DSCAM: variants seen among roughly 807,000 people sequenced by gnomAD.
DSCAM encodes cell adhesion molecule DSCAM.
A neutral mutation model predicts 217.7 loss-of-function variants in DSCAM; 47 were observed. That is an observed-to-expected ratio of 0.22 (90% CI 0.17 to 0.28). The LOEUF (loss-of-function observed/expected upper bound fraction) is 0.28. Among genes scored for constraint, DSCAM ranks in the 10% least tolerant of loss-of-function variants. The pLI, the probability that DSCAM is intolerant of heterozygous loss-of-function variation, is 1.00. For missense variants in DSCAM, 2,080 were observed against 2,618.3 expected (o/e 0.79, Z 4.49); for synonymous variants, 1,056 against 1,015.3 (o/e 1.04, Z -0.76).
At chr21:40,475,851 A>G (rs539803144) in intron 3 of DSCAM, among the ~76,000 whole-genome samples, 1 of 151,450 alleles carries the variant, frequency 6.6e-6, no homozygotes, top group Non-Finnish European at 1.5e-5. Flanking sequence ...ATTAATAAAT[A>G]AAATTTAAAA....
intron 20 of DSCAM, among the ~76,000 whole-genome samples, chr21:40,102,755 TC>T (rs2089769370): frequency 1.3e-5 from 2 of 152,226 alleles, no homozygotes; most frequent in East Asian, 3.8e-4. Context: ...TCCGAACCCC[TC>T]ACATTACTTA....
chr21:40,313,797 A>G lies in DSCAM; in HGVS notation c.1784-1438T>C, dbSNP rs59840041. ...TACATTCTTGGAAAGAAAAAGGTTT[A>G]TTTGTATGCAGGGGCTTGGAAATGA... On this transcript the variant is annotated intron_variant, in intron 8 of 32. Coordinates refer to ENST00000400454, the MANE Select transcript of DSCAM (RefSeq NM_001389.5). Among the ~76,000 whole-genome samples, 293 of 152,276 alleles carry G rather than the reference A, an allele frequency of 1.9e-3. 2 individuals are homozygous for G. The highest frequency in any genetic ancestry group is 6.6e-3 in the African/African-American group (273 of 41,572).
intron 3 of DSCAM, among the ~76,000 whole-genome samples, chr21:40,395,544 G>C (rs2075171017): frequency 6.6e-6 from 1 of 151,932 alleles, no homozygotes; most frequent in African/African-American, 2.4e-5. Flanking sequence ...TTTGGGTGTA[G>C]ATTCCATAGT....
chr21:40,820,720 A>C (rs552505053), intron 1 of DSCAM, among the ~76,000 whole-genome samples: 1 of 152,174 alleles, frequency 6.6e-6, no homozygotes, highest in African/African-American at 2.4e-5. Flanking sequence ...CAAAGAAAAA[A>C]ACAAAAAATC....
At chr21:40,146,741 C>G (rs1419870286) in intron 16 of DSCAM, among the ~76,000 whole-genome samples, 1 of 152,164 alleles carries the variant, frequency 6.6e-6, no homozygotes, top group African/African-American at 2.4e-5. Context: ...GAGTTAGACC[C>G]TGGTGGAAGA....
intron 20 of DSCAM, among the ~76,000 whole-genome samples, chr21:40,095,461 T>C (rs916855475): frequency 2.0e-5 from 3 of 152,134 alleles, no homozygotes; most frequent in Non-Finnish European, 4.4e-5. Flanking sequence ...AACCACACAT[T>C]TGTGATTCTC....
chr21:40,475,174 G>C (rs938328872), intron 3 of DSCAM, among the ~76,000 whole-genome samples: 1 of 152,212 alleles, frequency 6.6e-6, no homozygotes, highest in African/African-American at 2.4e-5. Context: ...TGATTGTGAA[G>C]GTGCATTAGC....
intron 5 of DSCAM, among the ~76,000 whole-genome samples, chr21:40,348,291 A>G (rs2074585536): frequency 1.3e-5 from 2 of 150,170 alleles, no homozygotes; most frequent in South Asian, 2.1e-4. Flanking sequence ...CATACCCCAG[A>G]GAGTTCCTAT....
chr21:40,130,559 G>A (rs1568956643), intron 19 of DSCAM, among the ~76,000 whole-genome samples: 2 of 152,084 alleles, frequency 1.3e-5, no homozygotes. Flanking sequence ...TTACGGATGA[G>A]AGATGATATC....
intron 3 of DSCAM, among the ~76,000 whole-genome samples, chr21:40,624,775 TC>T (rs2089577124): frequency 7.1e-6 from 1 of 141,388 alleles, no homozygotes; most frequent in South Asian, 2.3e-4. Context: ...CAAAAGCACA[TC>T]CACACAAACA....
At chr21:40,807,873 G>T (rs1378121516) in intron 1 of DSCAM, among the ~76,000 whole-genome samples, 1 of 152,136 alleles carries the variant, frequency 6.6e-6, no homozygotes, top group Non-Finnish European at 1.5e-5. Flanking sequence ...CTATTGTGAG[G>T]TATATTATAG....
In DSCAM at chr21:40,795,214, A is replaced by G. The variant is rs2091681359; in HGVS notation, c.43+51405T>C. On this transcript the variant is annotated intron_variant, in intron 1 of 32. Transcript: ENST00000400454. ...GCCTGGACTGATAATCTTCAGAGCT[A>G]TGCAGCCACTGGATATTTTCCTCTC... 1.3e-5 allele frequency among the ~76,000 whole-genome samples: 2 copies of G among 152,214 alleles called. 1 individual carries two copies. Among genetic ancestry groups the G allele is most frequent in the Non-Finnish European group, 2.9e-5 (2 of 68,040 alleles).
At chr21:40,298,078 CT>C (rs994453921) in intron 9 of DSCAM, among the ~76,000 whole-genome samples, 1 of 140,206 alleles carries the variant, frequency 7.1e-6, no homozygotes, top group Non-Finnish European at 1.5e-5. Flanking sequence ...GTATGTTTAG[CT>C]TTTACTTTTT....
At chr21:40,289,506 T>C (rs534968608) in intron 10 of DSCAM, among the ~76,000 whole-genome samples, 1 of 152,314 alleles carries the variant, frequency 6.6e-6, no homozygotes, top group Non-Finnish European at 1.5e-5. Flanking sequence ...TCACTTTCCA[T>C]GGTTTAAGCT....
rs58427418 is a variant in DSCAM at position 40,525,009 on chromosome 21, C to CAAAAAAAAAAA, written c.509-155775_509-155765dup. 3.0e-3 allele frequency among the ~76,000 whole-genome samples: 169 copies of CAAAAAAAAAAA among 56,082 alleles called. 12 individuals are homozygous for CAAAAAAAAAAA. The highest frequency in any genetic ancestry group is 0.012 in the Middle Eastern group (1 of 86). The allele number at this position is 56,082 out of a possible 152,430, so 36.8% of individuals were successfully genotyped here. A position where few individuals can be genotyped will look rare whatever the true frequency, so the allele number is the denominator to read the frequency against. ...TGGGCAACAGAGTGAGACTCAGTCTCAAAAAAAAAAAAAAAAAAAAAATCC... is the reference window on the plus strand; with the variant it reads ...TGGGCAACAGAGTGAGACTCAGTCTCAAAAAAAAAAAAAAAAAAAAAAAAAAAAAAAAATCC... On this transcript the variant is annotated intron_variant, in intron 3 of 32. Coordinates refer to ENST00000400454, the MANE Select transcript of DSCAM (RefSeq NM_001389.5).
At chr21:40,093,323 A>C (rs141621260) in intron 21 of DSCAM, among the ~76,000 whole-genome samples, 106 of 152,346 alleles carry the variant, frequency 7.0e-4, no homozygotes, top group African/African-American at 2.5e-3. Context: ...ATGATTTTCA[A>C]ATATTTTTAA....
intron 9 of DSCAM, among the ~76,000 whole-genome samples, chr21:40,309,924 C>T (rs2074119522): frequency 6.6e-6 from 1 of 152,178 alleles, no homozygotes; most frequent in African/African-American, 2.4e-5. Context: ...GGCCATAGTG[C>T]TGTGGTGGTT....
chr21:40,123,924 G>T (rs2090065034), intron 20 of DSCAM, among the ~76,000 whole-genome samples: 1 of 152,136 alleles, frequency 6.6e-6, no homozygotes, highest in Non-Finnish European at 1.5e-5. Context: ...TCTGGGTTTT[G>T]ATTTTGATCA....
chr21:40,442,817 T>C (rs1305247262), intron 3 of DSCAM, among the ~76,000 whole-genome samples: 1 of 152,118 alleles, frequency 6.6e-6, no homozygotes, highest in Admixed American at 6.5e-5. Context: ...GCCGAGTTAA[T>C]TTTTTATTAA....
Sources: gnomAD v4.1 joint callset for allele counts (sites outside exome capture counted in the v4.1 genomes callset) on GRCh38, gnomAD v4.1.1 for gene constraint, MANE v1.5 for transcripts, NCBI Gene and HGNC (gene_info 2026-07-23, HGNC 2026-07-21) for gene names.